The following RAB4A variants were observed in gnomAD, a reference collection of about 807,000 sequenced individuals.
The protein encoded by RAB4A is ras-related protein Rab-4A.
A neutral mutation model predicts 34.5 loss-of-function variants in RAB4A; 20 were observed. The observed-to-expected ratio is 0.58, with a 90% CI of 0.41 to 0.84. The LOEUF (loss-of-function observed/expected upper bound fraction) is 0.84, where lower values mean the gene tolerates loss of function less well. Ranked by LOEUF, RAB4A falls within the 40% of genes least tolerant of loss-of-function variation. The probability of loss-of-function intolerance (pLI) is 0.00; values close to 1 mark genes in which losing one functional copy is unlikely to be tolerated. For synonymous variants in RAB4A, 102 were observed against 100.0 expected (o/e 1.02, Z -0.12); for missense variants, 228 against 274.5 (o/e 0.83, Z 1.20).
intron 1 of RAB4A, among the ~76,000 whole-genome samples, 182 bp from the exon 2 acceptor site, chr1:229,286,304 A>G (rs562728606): frequency 5.9e-5 from 9 of 152,378 alleles, no homozygotes; most frequent in African/African-American, 2.2e-4. Context: ...TTAACATGTC[A>G]GCCAAATATC....
chr1:229,271,575 C>T (rs910852875), intron 1 of RAB4A, among the ~76,000 whole-genome samples: 19 of 152,094 alleles, frequency 1.2e-4, no homozygotes, highest in East Asian at 7.7e-4. Flanking sequence ...GTGCGCGGGG[C>T]GCGGGGGCGC....
intron 1 of RAB4A, among the ~76,000 whole-genome samples, chr1:229,272,757 G>C (rs183743250): frequency 6.6e-6 from 1 of 152,252 alleles, no homozygotes; most frequent in East Asian, 1.9e-4. Context: ...AGAAAAAATG[G>C]GAACTTTTGG....
intron 1 of RAB4A, among the ~76,000 whole-genome samples, chr1:229,283,634 G>C (rs991585809): frequency 6.6e-6 from 1 of 152,038 alleles, no homozygotes; most frequent in Non-Finnish European, 1.5e-5. Context: ...AAGAACCCAG[G>C]GAACTTCCTT....
intron 3 of RAB4A, among the ~76,000 whole-genome samples, chr1:229,289,454 C>A (rs149157): frequency 0.24 from 37,069 of 152,160 alleles, 5,157 homozygotes; most frequent in African/African-American, 0.39. Flanking sequence ...TTTTATAATT[C>A]AGTGAAATAA....
rs1392694315 is a variant in RAB4A, at chr1:229,305,392, T to A, written c.*1599T>A. ...CATCAGCTTATTCAAAAGCAAGAAT[T>A]TTAAAAATAAGATAAATGTAAAGTT... On this transcript the variant is annotated 3_prime_UTR_variant, in exon 8 of 8. Coordinates refer to ENST00000366690, the MANE Select transcript of RAB4A (RefSeq NM_004578.4). 1 of 1,104,088 alleles carries A rather than the reference T, an allele frequency of 9.1e-7. No homozygotes were observed. The highest frequency in any genetic ancestry group is 1.2e-6 in the Non-Finnish European group (1 of 801,028). The allele number at this position is 1,104,088 out of a possible 1,614,324, so 68.4% of individuals were successfully genotyped here.
At chr1:229,277,950 C>T (rs1443386287) in intron 1 of RAB4A, among the ~76,000 whole-genome samples, 1 of 151,314 alleles carries the variant, frequency 6.6e-6, no homozygotes, top group African/African-American at 2.5e-5. Flanking sequence ...CTGCAACCTC[C>T]ACCTCCTAGG....
Position 229,271,195 on chromosome 1 carries a change from C to A in RAB4A, c.-145C>A. 1 of 808,968 alleles carries A rather than the reference C, an allele frequency of 1.2e-6. No individual in the cohort carries two copies. The allele number at this position is 808,968 out of a possible 1,614,324, so 50.1% of individuals were successfully genotyped here. A position where few individuals can be genotyped will look rare whatever the true frequency, so the allele number is the denominator to read the frequency against. ...CTGGAGTCCGGCTGGGCCGCAGCCG[C>A]TGGGAGACCGGCGGTTGCCGTGGGG... On this transcript the variant is annotated 5_prime_UTR_variant, in exon 1 of 8. In the 5' UTR this introduces an upstream ATG that the reference lacks. Coordinates refer to ENST00000366690, the MANE Select transcript of RAB4A (RefSeq NM_004578.4).
chr1:229,273,189 G>A (rs1656542245), intron 1 of RAB4A, among the ~76,000 whole-genome samples: 1 of 152,202 alleles, frequency 6.6e-6, no homozygotes, highest in African/African-American at 2.4e-5. Flanking sequence ...GAGTTCAGGA[G>A]ATAGAGCTTT....
chr1:229,281,603 A>T (rs891925153), intron 1 of RAB4A, among the ~76,000 whole-genome samples: 2 of 151,792 alleles, frequency 1.3e-5, no homozygotes, highest in Non-Finnish European at 2.9e-5. Flanking sequence ...CATTTAATTG[A>T]TGTATTTATT....
chr1:229,271,292 CG>C lies in RAB4A; in HGVS notation c.-45del. Reference sequence around the variant, plus strand: ...CCCACCGAGACGCGCCGGCGGACCGCGGGCGAGTGCAGCCGGTGACCCGGCG... The same window carrying C: ...CCCACCGAGACGCGCCGGCGGACCGCGGCGAGTGCAGCCGGTGACCCGGCG... On this transcript the variant is annotated 5_prime_UTR_variant, in exon 1 of 8. Coordinates refer to ENST00000366690, the MANE Select transcript of RAB4A (RefSeq NM_004578.4). The C allele has an allele frequency of 7.5e-7, 1 of 1,329,030 alleles. No homozygotes were observed. The highest frequency in any genetic ancestry group is 9.6e-7 in the Non-Finnish European group (1 of 1,038,250). The allele number at this position is 1,329,030 out of a possible 1,614,324, so 82.3% of individuals were successfully genotyped here.
chr1:229,302,287 ATATATATATATATATATATATATT>A (rs1364721529), intron 6 of RAB4A, among the ~76,000 whole-genome samples: 45 of 21,164 alleles, frequency 2.1e-3, no homozygotes, highest in South Asian at 0.013. Context: ...ATATATATAT[ATATATATATATATATATATATATT>A]TTTTTTTTTT....
At chr1:229,276,978 ATATATC>A (rs2102834098) in intron 1 of RAB4A, among the ~76,000 whole-genome samples, 1 of 146,960 alleles carries the variant, frequency 6.8e-6, no homozygotes, top group African/African-American at 2.5e-5. Flanking sequence ...TAGAAGAACT[ATATATC>A]TATATATAAT....
At chr1:229,285,883 A>G (rs143924687) in intron 1 of RAB4A, among the ~76,000 whole-genome samples, 13 of 152,376 alleles carry the variant, frequency 8.5e-5, no homozygotes, top group African/African-American at 3.1e-4. Flanking sequence ...AATTAAATAT[A>G]TTACTATGTG....
rs1421109729 is a variant in RAB4A at position 229,282,776 on chromosome 1, GTTC to G, written c.32-3705_32-3703del. ...TTTTCAGTTTTAAAATTTCTATTTG[GTTC>G]TTCTGTGTATCTTCTAGTTCTTTGC... On this transcript the variant is annotated intron_variant, in intron 1 of 7. Coordinates refer to ENST00000366690, the MANE Select transcript of RAB4A (RefSeq NM_004578.4). 2.0e-5 allele frequency among the ~76,000 whole-genome samples: 3 copies of G among 152,148 alleles called. No individual in the cohort carries two copies. In the East Asian group the frequency reaches 5.8e-4, roughly 29 times the overall value.
At chr1:229,283,069 A>T (rs903387097) in intron 1 of RAB4A, among the ~76,000 whole-genome samples, 2 of 152,086 alleles carry the variant, frequency 1.3e-5, no homozygotes, top group Non-Finnish European at 2.9e-5. Context: ...TAAATCTTTT[A>T]ATTGTTTTCC....
Position 229,297,565 on chromosome 1 carries a change from GA to G in RAB4A, c.377del (p.Asn126ThrfsTer14). The part of the protein sequence containing the change: ...ASQNIVIILC[G>X]NKKDLDADRE... ...CAGAACATTGTGATCATCCTTTGTGGAAACAAGAAGGACCTGGATGCAGATC... is the reference window on the plus strand; with the variant it reads ...CAGAACATTGTGATCATCCTTTGTGGAACAAGAAGGACCTGGATGCAGATC... On this transcript the variant is annotated frameshift_variant, in exon 5 of 8. Transcript: ENST00000366690. LOFTEE classifies it high-confidence loss of function. The G allele has an allele frequency of 5.0e-6, 8 of 1,613,050 alleles. No homozygotes were observed. Among genetic ancestry groups the G allele is most frequent in the Non-Finnish European group, 6.8e-6 (8 of 1,179,892 alleles).
In RAB4A at chr1:229,271,152, C is replaced by T. The variant is rs1293110882; in HGVS notation, c.-188C>T. 4.7e-6 allele frequency: 2 copies of T among 430,068 alleles called. No homozygotes were observed. Among genetic ancestry groups the T allele is most frequent in the African/African-American group, 2.1e-5 (1 of 48,164 alleles). 26.6% of individuals were successfully genotyped at this position (430,068 alleles called of 1,614,324 possible). On this transcript the variant is annotated 5_prime_UTR_variant, in exon 1 of 8. Coordinates refer to ENST00000366690, the MANE Select transcript of RAB4A (RefSeq NM_004578.4). ...TCGCGGCCGGACGGAGGGTGGAGGG[C>T]CCTGCGCCTGCGCGGAGCTGGAGTC... is the stretch of plus-strand genomic sequence containing the variant.
chr1:229,274,721 G>T (rs1656597002), intron 1 of RAB4A, among the ~76,000 whole-genome samples: 1 of 152,228 alleles, frequency 6.6e-6, no homozygotes, highest in South Asian at 2.1e-4. Flanking sequence ...ATGCTAAGCA[G>T]CGATGTTCAG....
intron 7 of RAB4A, 38 bp downstream of exon 7, chr1:229,303,027 A>G (rs1277359030): frequency 7.0e-7 from 1 of 1,434,240 alleles, no homozygotes; most frequent in East Asian, 2.3e-5. Context: ...GTTCCTGGCA[A>G]GCTCAAGTGC....
Sources: gnomAD v4.1 joint callset for allele counts (sites outside exome capture counted in the v4.1 genomes callset) on GRCh38, gnomAD v4.1.1 for gene constraint, MANE v1.5 for transcripts, NCBI Gene and HGNC (gene_info 2026-07-23, HGNC 2026-07-21) for gene names.